The following ST6GALNAC3 variants were observed in gnomAD, a reference collection of about 807,000 sequenced individuals.
ST6GALNAC3 encodes the protein ST6 N-acetylgalactosaminide alpha-2,6-sialyltransferase 3, also known as alpha-N-acetylgalactosaminide alpha-2,6-sialyltransferase 3.
ST6GALNAC3 carries 25 observed loss-of-function variants against 32.7 expected under a neutral mutation model. The observed-to-expected ratio is 0.76, with a 90% CI of 0.56 to 1.07. ST6GALNAC3 has a LOEUF of 1.07. Among genes scored for constraint, ST6GALNAC3 ranks in the 50% least tolerant of loss-of-function variants. The pLI, the probability that ST6GALNAC3 is intolerant of heterozygous loss-of-function variation, is 0.00. For missense variants in ST6GALNAC3, 355 were observed against 382.4 expected, an observed-to-expected ratio of 0.93 and a Z score of 0.60; for synonymous variants, 129 against 133.1, an observed-to-expected ratio of 0.97 and a Z score of 0.21.
intron 1 of ST6GALNAC3, among the ~76,000 whole-genome samples, chr1:76,286,603 C>A (rs1267344214): frequency 6.6e-6 from 1 of 152,222 alleles, no homozygotes; most frequent in Non-Finnish European, 1.5e-5. Context: ...CCTTGGGCAA[C>A]CTTCTTCCCC....
At chr1:76,580,292 A>G (rs2100543663) in intron 3 of ST6GALNAC3, among the ~76,000 whole-genome samples, 1 of 152,146 alleles carries the variant, frequency 6.6e-6, no homozygotes, top group Non-Finnish European at 1.5e-5. Flanking sequence ...TGACAGATTC[A>G]TGTCCACTCT....
intron 2 of ST6GALNAC3, among the ~76,000 whole-genome samples, chr1:76,328,278 G>A (rs1354033866): frequency 1.3e-5 from 2 of 152,176 alleles, no homozygotes; most frequent in African/African-American, 2.4e-5. Flanking sequence ...AATCTTGATT[G>A]TTTTTGTTGA....
At chr1:76,164,607 C>A (rs750054671) in intron 1 of ST6GALNAC3, among the ~76,000 whole-genome samples, 32 of 152,250 alleles carry the variant, frequency 2.1e-4, no homozygotes, top group Middle Eastern at 3.4e-3. Context: ...GTTGGTTATG[C>A]AGTTCTCAAA....
chr1:76,157,763 C>T (rs1261042697), intron 1 of ST6GALNAC3, among the ~76,000 whole-genome samples: 1 of 152,180 alleles, frequency 6.6e-6, no homozygotes, highest in Non-Finnish European at 1.5e-5. Flanking sequence ...TACAGAATAA[C>T]TATACCACCC....
chr1:76,478,907 T>G (rs572592131), intron 3 of ST6GALNAC3, among the ~76,000 whole-genome samples: 1 of 151,388 alleles, frequency 6.6e-6, no homozygotes, highest in African/African-American at 2.4e-5. Context: ...GGACCACAGG[T>G]GCCCGCCACC....
intron 2 of ST6GALNAC3, among the ~76,000 whole-genome samples, chr1:76,346,013 T>G (rs12145585): frequency 0.21 from 31,902 of 151,428 alleles, 4,097 homozygotes; most frequent in African/African-American, 0.36. Context: ...CCCTATAAAA[T>G]GTCAGCCCCC....
At chr1:76,280,692 G>A (rs999658797) in intron 1 of ST6GALNAC3, among the ~76,000 whole-genome samples, 1 of 152,162 alleles carries the variant, frequency 6.6e-6, no homozygotes, top group Non-Finnish European at 1.5e-5. Flanking sequence ...TATGTGCATG[G>A]TATGCTACAA....
At chr1:76,210,054 T>C (rs77678139) in intron 1 of ST6GALNAC3, among the ~76,000 whole-genome samples, 1 of 147,146 alleles carries the variant, frequency 6.8e-6, no homozygotes, top group African/African-American at 2.5e-5. Flanking sequence ...TTTTTTTTTT[T>C]CTTTTCTTTT....
At chr1:76,398,272 C>T (rs1437107375) in intron 2 of ST6GALNAC3, among the ~76,000 whole-genome samples, 1 of 152,152 alleles carries the variant, frequency 6.6e-6, no homozygotes, top group Non-Finnish European at 1.5e-5. Context: ...TATGCATTGA[C>T]AATCTCCTAG....
intron 3 of ST6GALNAC3, among the ~76,000 whole-genome samples, chr1:76,520,950 CTTA>C (rs1268362780): frequency 2.6e-5 from 4 of 151,778 alleles, no homozygotes; most frequent in African/African-American, 9.6e-5. Context: ...TTATATCCAC[CTTA>C]TTATTATTTA....
intron 1 of ST6GALNAC3, among the ~76,000 whole-genome samples, chr1:76,132,262 T>A (rs1298480718): frequency 1.3e-5 from 2 of 152,106 alleles, no homozygotes; most frequent in Non-Finnish European, 2.9e-5. Context: ...TTTATCTGAG[T>A]CTAGCTCATA....
chr1:76,185,805 C>T (rs890416381), intron 1 of ST6GALNAC3, among the ~76,000 whole-genome samples: 3 of 151,904 alleles, frequency 2.0e-5, no homozygotes, highest in African/African-American at 7.3e-5. Flanking sequence ...AACCTTGGAT[C>T]GAAAGTACTC....
In ST6GALNAC3 at chr1:76,628,809, A is replaced by G. The variant is rs766132579; in HGVS notation, c.*3A>G. The G allele has an allele frequency of 1.2e-6, 2 of 1,610,046 alleles. No individual in the cohort carries two copies. Among genetic ancestry groups the G allele is most frequent in the South Asian group, 2.2e-5 (2 of 90,624 alleles). On this transcript the variant is annotated 3_prime_UTR_variant, in exon 5 of 5. Coordinates refer to ENST00000328299, the MANE Select transcript of ST6GALNAC3 (RefSeq NM_152996.4). Reference sequence around the variant, plus strand: ...ATCCAAACTGGACATTGTCTTGATAATGGTTTTCCTGATCTTGCCGCATCA... The same window carrying G: ...ATCCAAACTGGACATTGTCTTGATAGTGGTTTTCCTGATCTTGCCGCATCA...
intron 1 of ST6GALNAC3, among the ~76,000 whole-genome samples, chr1:76,115,561 G>A (rs1648411728): frequency 6.6e-6 from 1 of 152,090 alleles, no homozygotes; most frequent in African/African-American, 2.4e-5. Context: ...TGGGATTTCT[G>A]GTTTTCAGAT....
At chr1:76,190,915 C>G (rs1193731446) in intron 1 of ST6GALNAC3, among the ~76,000 whole-genome samples, 1 of 152,126 alleles carries the variant, frequency 6.6e-6, no homozygotes, top group African/African-American at 2.4e-5. Flanking sequence ...AGTATAGAAA[C>G]TTATTTCTCA....
intron 1 of ST6GALNAC3, among the ~76,000 whole-genome samples, chr1:76,278,895 A>G: frequency 6.6e-6 from 1 of 152,206 alleles, no homozygotes; most frequent in East Asian, 1.9e-4. Flanking sequence ...AGTTCTGTTC[A>G]TCGCGTAGTA....
chr1:76,319,928 A>C (rs1646935783), intron 2 of ST6GALNAC3, among the ~76,000 whole-genome samples: 1 of 152,202 alleles, frequency 6.6e-6, no homozygotes, highest in Admixed American at 6.5e-5. Flanking sequence ...TTGTCATTTT[A>C]AGGATAATTT....
At chr1:76,234,491 A>G (rs1029583360) in intron 1 of ST6GALNAC3, among the ~76,000 whole-genome samples, 5 of 152,214 alleles carry the variant, frequency 3.3e-5, no homozygotes, top group African/African-American at 1.2e-4. Context: ...GTGCTTTGCA[A>G]ACCCGTGCAA....
intron 1 of ST6GALNAC3, among the ~76,000 whole-genome samples, chr1:76,256,733 T>C (rs1406336613): frequency 7.0e-6 from 1 of 142,170 alleles, no homozygotes; most frequent in Admixed American, 7.1e-5. Context: ...ATAAAATGAC[T>C]TTTTTTTTTT....
Sources: gnomAD v4.1 joint callset for allele counts (sites outside exome capture counted in the v4.1 genomes callset) on GRCh38, gnomAD v4.1.1 for gene constraint, MANE v1.5 for transcripts, NCBI Gene and HGNC (gene_info 2026-07-23, HGNC 2026-07-21) for gene names.